The following HEATR9 variants were observed in gnomAD, a reference collection of about 807,000 sequenced individuals.
HEATR9 encodes the protein protein HEATR9.
In HEATR9, 54 loss-of-function variants were observed where a neutral mutation model predicts 68.2. That is an observed-to-expected ratio of 0.79 (90% CI 0.64 to 0.99). The LOEUF is 0.99. HEATR9 is among the 50% of genes least tolerant of loss of function. The pLI is 0.00. For missense variants in HEATR9, 662 were observed against 679.7 expected, an observed-to-expected ratio of 0.97 and a Z score of 0.29; for synonymous variants, 241 against 253.5, an observed-to-expected ratio of 0.95 and a Z score of 0.47.
At position 35,864,502 on chromosome 17, in the gene HEATR9, CT is replaced by C. The variant is rs2088122250; in HGVS notation, c.504del (p.Ala169HisfsTer29). The C allele has an allele frequency of 1.9e-6, 3 of 1,613,854 alleles. No individual in the cohort carries two copies. Among genetic ancestry groups the C allele is most frequent in the Non-Finnish European group, 2.5e-6 (3 of 1,179,942 alleles). On this transcript the variant is annotated frameshift_variant, in exon 5 of 15. Transcript: ENST00000604834. LOFTEE classifies it high-confidence loss of function. ...CTATCCTTGCCTCTTCTCACCTGTG[CT>C]GCATAGAACTGCTCATCCTCTCTGG... ...ESPREDEQFY[A>X]AQALGCLRIS...
intron 14 of HEATR9, 55 bp downstream of exon 14, chr17:35,855,609 A>G: frequency 6.5e-7 from 1 of 1,528,880 alleles, no homozygotes. Context: ...TAGGTGGGAG[A>G]AGCTTGAAGG....
rs756812410 is a variant in HEATR9, at chr17:35,855,301, T to C, written c.1475A>G (p.Glu492Gly). The change falls in exon 15 of 15, where the codon GAG (glutamate) becomes GGG (glycine). Residue 492 changes from glutamate to glycine, a missense_variant. Glu to Gly is a moderately conservative substitution (Grantham distance 98, BLOSUM62 -2). Coordinates refer to ENST00000604834, the MANE Select transcript of HEATR9 (RefSeq NM_152781.4). ...YEAPKTNVKA[E>G]PTRFQKEPEN... ...AGGCTCTTTCTGGAACCTTGTGGGC[T>C]CTGCCTTCACATTGGTCTTAGGTGC... 8.1e-6 allele frequency: 13 copies of C among 1,614,234 alleles called. No homozygotes were observed. The Admixed American group carries it at 2.0e-4, about 25-fold the overall frequency.
chr17:35,857,932 C>T (rs1224621459), intron 11 of HEATR9, among the ~76,000 whole-genome samples: 1 of 152,000 alleles, frequency 6.6e-6, no homozygotes. Context: ...TTTTAGTAGG[C>T]AGAAGGGGAG....
Position 35,863,085 on chromosome 17 carries a change from CTGT to C in HEATR9, c.663_665del (p.Gln222del). The C allele has an allele frequency of 6.2e-7, 1 of 1,614,204 alleles. No individual in the cohort carries two copies. The highest frequency in any genetic ancestry group is 8.5e-7 in the Non-Finnish European group (1 of 1,180,030). On this transcript the variant is annotated inframe_deletion, in exon 8 of 15. Coordinates refer to ENST00000604834, the MANE Select transcript of HEATR9 (RefSeq NM_152781.4). ...TTTGACCCTCATTTTTCTCCTTCAG[CTGT>C]TTGATGAGAGCCCGGATCACATGCT...
intron 13 of HEATR9, 106 bp from the exon 14 acceptor site, chr17:35,855,856 G>A (rs2087753040): frequency 1.0e-6 from 1 of 953,664 alleles, no homozygotes; most frequent in African/African-American, 1.6e-5. Flanking sequence ...TAGAGAGGGG[G>A]GAGATAGGGT....
At chr17:35,868,579 C>A in intron 1 of HEATR9, 76 bp downstream of exon 1, 1 of 1,601,190 alleles carries the variant, frequency 6.2e-7, no homozygotes, top group Non-Finnish European at 8.5e-7. Context: ...AGACCCTTGC[C>A]TGGGAGTGAG....
intron 5 of HEATR9, 51 bp from the exon 6 acceptor site, chr17:35,864,353 A>C (rs1218198709): frequency 1.3e-6 from 2 of 1,545,170 alleles, no homozygotes; most frequent in African/African-American, 2.7e-5. Context: ...CATCATCCCC[A>C]GGAGTTACCA....
rs746875869 is a variant in HEATR9 at position 35,856,732 on chromosome 17, G to C, written c.1226C>G (p.Ala409Gly). 18 of 1,600,982 alleles carry C rather than the reference G, an allele frequency of 1.1e-5. No individual in the cohort carries two copies. The highest frequency in any genetic ancestry group is 1.5e-5 in the Non-Finnish European group (18 of 1,173,584). Reference protein sequence around the residue: ...LKPTMMNLVEAQLMNPDATAR... With the variant: ...LKPTMMNLVEGQLMNPDATAR... ...CCCTGGCAGCTCCCAGGCCACTCAC[G>C]CCTCCACCAAGTTCATCATCGTAGG... The change falls in exon 12 of 15, where the codon GCA becomes GGA. Residue 409 changes from alanine (A) to glycine (G), a missense_variant and splice_region_variant. Transcript: ENST00000604834.
chr17:35,865,447 T>G, intron 2 of HEATR9, 51 bp from the exon 3 acceptor site: 2 of 1,462,444 alleles, frequency 1.4e-6, no homozygotes, highest in East Asian at 2.3e-5. Flanking sequence ...AGGCCCTTAC[T>G]TGTGAGGGTA....
At chr17:35,868,541 G>A in intron 1 of HEATR9, 114 bp downstream of exon 1, 1 of 1,522,202 alleles carries the variant, frequency 6.6e-7, no homozygotes, top group Non-Finnish European at 8.8e-7. Flanking sequence ...CTGCCCTGAT[G>A]TTTCCCAAGG....
rs1012308609 is a variant in HEATR9 at position 35,868,887 on chromosome 17, C to T, written c.-145G>A. ...CTGGACTTCTGGAGGTAGAAGCTTC[C>T]AAGTGCTAAGCGACCAGGTTACTTT... On this transcript the variant is annotated 5_prime_UTR_variant, in exon 1 of 15. Transcript: ENST00000604834. The T allele has an allele frequency of 2.6e-5, 17 of 659,366 alleles. No homozygotes were observed. The African/African-American group carries it at 2.9e-4, about 11-fold the overall frequency. The allele number at this position is 659,366 out of a possible 1,614,324, so 40.8% of individuals were successfully genotyped here.
In HEATR9 at chr17:35,855,344, CCTTGTTTTTCAG is replaced by C; in HGVS notation, c.1420_1431del (p.Leu474_Lys477del). 6.2e-7 allele frequency: 1 copy of C among 1,614,132 alleles called. No individual in the cohort carries two copies. ...TTAGGTGCCTCATATACAGAGAGAACCTTGTTTTTCAGCTTGTTTTGGATCCAGGGATCAATT... is the reference window on the plus strand; with the variant it reads ...TTAGGTGCCTCATATACAGAGAGAACCTTGTTTTGGATCCAGGGATCAATT... On this transcript the variant is annotated inframe_deletion, in exon 15 of 15. Transcript: ENST00000604834.
At chr17:35,860,292 T>C (rs2087933435) in intron 8 of HEATR9, among the ~76,000 whole-genome samples, 2 of 143,728 alleles carry the variant, frequency 1.4e-5, no homozygotes, top group African/African-American at 5.2e-5. Context: ...CTCGGGAGGC[T>C]GAAGCAGGAG....
intron 8 of HEATR9, chr17:35,861,067 C>A: frequency 1.2e-6 from 1 of 866,782 alleles, no homozygotes; most frequent in Non-Finnish European, 2.0e-6. Flanking sequence ...GAAATGGTTA[C>A]AGAGATTTTA....
chr17:35,864,768 T>A lies in HEATR9; in HGVS notation c.443A>T (p.Gln148Leu). 1 of 1,614,186 alleles carries A rather than the reference T, an allele frequency of 6.2e-7. No individual in the cohort carries two copies. Among genetic ancestry groups the A allele is most frequent in the South Asian group, 1.1e-5 (1 of 91,082 alleles). Residue 148 changes from glutamine (Q) to leucine (L), a missense_variant, in exon 4 of 15, where the codon CAA (glutamine) becomes CTA (leucine). Coordinates refer to ENST00000604834, the MANE Select transcript of HEATR9 (RefSeq NM_152781.4). ...LEPTQDPLKW[Q>L]RLRELTKSLE... Reference sequence around the variant, plus strand: ...CCACATGGTCCTGACCCTTAATCTTTGCCACTTCAGGGGGTCCTGGGTAGG... The same window carrying A: ...CCACATGGTCCTGACCCTTAATCTTAGCCACTTCAGGGGGTCCTGGGTAGG...
At chr17:35,867,218 A>C (rs1233821375) in intron 1 of HEATR9, among the ~76,000 whole-genome samples, 5 of 152,032 alleles carry the variant, frequency 3.3e-5, no homozygotes, top group Non-Finnish European at 7.4e-5. Flanking sequence ...GCATCACTGC[A>C]CTCCAGCTTG....
Position 35,858,312 on chromosome 17 carries a change from A to G in HEATR9, c.1040T>C (p.Phe347Ser), listed in dbSNP as rs2143897205. The change falls in exon 11 of 15, where the codon TTT becomes TCT. Residue 347 changes from phenylalanine to serine, a missense_variant. Physicochemically the swap from Phe to Ser is radical, Grantham distance 155 (BLOSUM62 -2). Coordinates refer to ENST00000604834, the MANE Select transcript of HEATR9 (RefSeq NM_152781.4). ...LCSSSVLEDR[F>S]EATQMLKTIG... ...GGTCTTGAGCATTTGGGTGGCTTCAAAGCGGTCCTGAGGTCGGGGGTGAGG... is the reference window on the plus strand; with the variant it reads ...GGTCTTGAGCATTTGGGTGGCTTCAGAGCGGTCCTGAGGTCGGGGGTGAGG... 1 of 1,614,142 alleles carries G rather than the reference A, an allele frequency of 6.2e-7. No individual in the cohort carries two copies. Among genetic ancestry groups the G allele is most frequent in the Non-Finnish European group, 8.5e-7 (1 of 1,180,016 alleles).
intron 11 of HEATR9, 76 bp downstream of exon 11, chr17:35,858,124 C>T: frequency 6.3e-7 from 1 of 1,588,588 alleles, no homozygotes; most frequent in Non-Finnish European, 8.6e-7. Flanking sequence ...TCGGTGGAGG[C>T]CAGGGGAGGT....
chr17:35,866,973 C>T (rs1183830430), intron 1 of HEATR9, among the ~76,000 whole-genome samples, 200 bp from the exon 2 acceptor site: 2 of 152,034 alleles, frequency 1.3e-5, no homozygotes, highest in Non-Finnish European at 2.9e-5. Context: ...ATTAGCCAGC[C>T]AGGCGCAGTG....
Sources: allele counts gnomAD v4.1 joint callset (sites outside exome capture counted in the v4.1 genomes callset), GRCh38; gene constraint gnomAD v4.1.1; transcripts MANE v1.5; gene names NCBI Gene and HGNC (gene_info 2026-07-23, HGNC 2026-07-21).